NKAIN2: variants seen among roughly 807,000 people sequenced by gnomAD.
The protein encoded by NKAIN2 is sodium/potassium transporting ATPase interacting 2.
A neutral mutation model predicts 32.6 loss-of-function variants in NKAIN2; 14 were observed. The observed-to-expected ratio is 0.43, with a 90% confidence interval of 0.28 to 0.67. The LOEUF (loss-of-function observed/expected upper bound fraction) is 0.67, where lower values mean the gene tolerates loss of function less well. NKAIN2 is among the 30% of genes least tolerant of loss of function. The pLI is 0.17. For synonymous variants in NKAIN2, 80 were observed against 87.2 expected, an observed-to-expected ratio of 0.92 and a Z score of 0.46; for missense variants, 198 against 258.3, an observed-to-expected ratio of 0.77 and a Z score of 1.60.
intron 4 of NKAIN2, among the ~76,000 whole-genome samples, chr6:124,788,297 T>TCAATAAAAAAGTGCTTCCCAACC (rs1272215679): frequency 6.6e-6 from 1 of 152,026 alleles, no homozygotes; most frequent in Admixed American, 6.6e-5. Context: ...CATAACAGCC[T>TCAATAAAAAAGTGCTTCCCAACC]CAATAAAAAA....
chr6:124,083,522 T>G (rs641301), intron 1 of NKAIN2, among the ~76,000 whole-genome samples: 1 of 151,886 alleles, frequency 6.6e-6, no homozygotes, highest in Non-Finnish European at 1.5e-5. Flanking sequence ...ATATAAAATT[T>G]ATATTTAGCA....
intron 4 of NKAIN2, among the ~76,000 whole-genome samples, chr6:124,751,211 C>G (rs573801839): frequency 6.6e-6 from 1 of 152,092 alleles, no homozygotes; most frequent in East Asian, 1.9e-4. Context: ...GAGATAGGGG[C>G]ACTATCCTTC....
chr6:124,025,580 T>C (rs957782962), intron 1 of NKAIN2, among the ~76,000 whole-genome samples: 2 of 152,204 alleles, frequency 1.3e-5, no homozygotes, highest in African/African-American at 4.8e-5. Context: ...GGGTACAAAG[T>C]TCCCGTTAGG....
intron 4 of NKAIN2, among the ~76,000 whole-genome samples, chr6:124,748,912 C>T (rs1044781877): frequency 2.0e-5 from 3 of 151,184 alleles, no homozygotes; most frequent in Non-Finnish European, 4.4e-5. Context: ...AACAAGGAAC[C>T]ATAAACTTAA....
At chr6:124,154,968 C>T (rs1787908171) in intron 1 of NKAIN2, among the ~76,000 whole-genome samples, 1 of 151,958 alleles carries the variant, frequency 6.6e-6, no homozygotes. Flanking sequence ...ATGTACAATA[C>T]CTTGCCACAT....
chr6:123,994,740 A>T (rs1468580085), intron 1 of NKAIN2, among the ~76,000 whole-genome samples: 1 of 152,096 alleles, frequency 6.6e-6, no homozygotes, highest in Non-Finnish European at 1.5e-5. Context: ...TTACTGTTAA[A>T]CGTATTAAAT....
chr6:124,369,880 A>ATTTTTTTTTTTTTTTTTTTTTTTTTTTT (rs61588781), intron 3 of NKAIN2, among the ~76,000 whole-genome samples: 5 of 82,370 alleles, frequency 6.1e-5, no homozygotes, highest in African/African-American at 2.3e-4. Flanking sequence ...CAGAATGTCA[A>ATTTTTTTTTTTTTTTTTTTTTTTTTTTT]TTTTTTTTTT....
chr6:124,697,956 T>A (rs1774582349), intron 4 of NKAIN2, among the ~76,000 whole-genome samples: 1 of 152,146 alleles, frequency 6.6e-6, no homozygotes, highest in Admixed American at 6.6e-5. Context: ...CTTAGTTTGA[T>A]GGGGTTGTAC....
At chr6:124,587,672 G>C (rs1345476888) in intron 3 of NKAIN2, among the ~76,000 whole-genome samples, 1 of 152,234 alleles carries the variant, frequency 6.6e-6, no homozygotes, top group African/African-American at 2.4e-5. Flanking sequence ...GGTGAGACCA[G>C]TCTGAACAAT....
chr6:123,989,656 A>G (rs1243045389), intron 1 of NKAIN2, among the ~76,000 whole-genome samples: 3 of 152,150 alleles, frequency 2.0e-5, no homozygotes, highest in African/African-American at 7.2e-5. Context: ...CTCTTTTAAT[A>G]ATTTTAATGG....
intron 4 of NKAIN2, among the ~76,000 whole-genome samples, chr6:124,758,191 C>T (rs1000621901): frequency 6.6e-6 from 1 of 152,128 alleles, no homozygotes; most frequent in African/African-American, 2.4e-5. Flanking sequence ...CCTCCCTCTA[C>T]TGCACACTTG....
Position 124,766,257 on chromosome 6 carries a change from C to G in NKAIN2, c.475-25082C>G, listed in dbSNP as rs376948627. Among the ~76,000 whole-genome samples the G allele has an allele frequency of 9.8e-4, 149 of 152,244 alleles. 2 individuals are homozygous for G. In the South Asian group the frequency reaches 0.029, roughly 30 times the overall value. ...TTCTCTAAGACCCTCGTTTAAAGTG[C>G]CTCTTAGGACTTTTGAGACTGTCGA... is the stretch of plus-strand genomic sequence containing the variant. On this transcript the variant is annotated intron_variant, in intron 4 of 6. Coordinates refer to ENST00000368417, the MANE Select transcript of NKAIN2 (RefSeq NM_001040214.3).
chr6:124,547,256 A>G (rs1282059889), intron 3 of NKAIN2, among the ~76,000 whole-genome samples: 2 of 152,218 alleles, frequency 1.3e-5, no homozygotes, highest in Non-Finnish European at 2.9e-5. Context: ...GGATGCTATA[A>G]ACTGTTAAAA....
intron 1 of NKAIN2, among the ~76,000 whole-genome samples, chr6:123,887,236 A>G (rs1054743145): frequency 6.6e-6 from 1 of 152,100 alleles, no homozygotes; most frequent in African/African-American, 2.4e-5. Context: ...GCTGGTAATG[A>G]TGAGTCTGTA....
intron 1 of NKAIN2, among the ~76,000 whole-genome samples, chr6:123,880,028 T>C (rs9375291): frequency 0.25 from 37,865 of 152,018 alleles, 5,238 homozygotes; most frequent in East Asian, 0.49. Context: ...ACTACTGCAG[T>C]AGGAAACAAG....
At chr6:124,161,415 G>A (rs112957578) in intron 1 of NKAIN2, among the ~76,000 whole-genome samples, 3 of 152,066 alleles carry the variant, frequency 2.0e-5, no homozygotes, top group Non-Finnish European at 4.4e-5. Context: ...AATTTGACAT[G>A]AGATTTGGTC....
At chr6:124,366,238 CG>C (rs1799512461) in intron 3 of NKAIN2, among the ~76,000 whole-genome samples, 1 of 151,492 alleles carries the variant, frequency 6.6e-6, no homozygotes. Context: ...AGTGATTAAA[CG>C]AAAAAAAGAG....
chr6:124,803,549 A>G (rs561678778), intron 5 of NKAIN2, among the ~76,000 whole-genome samples: 28 of 152,298 alleles, frequency 1.8e-4, no homozygotes, highest in African/African-American at 6.7e-4. Flanking sequence ...ATTCAGTTCT[A>G]TGTAATTTTT....
At chr6:124,702,932 C>G (rs937082970) in intron 4 of NKAIN2, among the ~76,000 whole-genome samples, 1 of 152,012 alleles carries the variant, frequency 6.6e-6, no homozygotes, top group Non-Finnish European at 1.5e-5. Flanking sequence ...TGGCTCACTG[C>G]TTTATTCACA....
Sources: allele counts gnomAD v4.1 joint callset (sites outside exome capture counted in the v4.1 genomes callset), GRCh38; gene constraint gnomAD v4.1.1; transcripts MANE v1.5; gene names NCBI Gene and HGNC (gene_info 2026-07-23, HGNC 2026-07-21).